The following LLGL2 variants were observed in gnomAD, a reference collection of about 807,000 sequenced individuals.
LLGL2 encodes the protein LLGL scribble cell polarity complex component 2.
Under a neutral mutation model 123.2 loss-of-function variants are expected in LLGL2, and 81 were observed. The observed-to-expected ratio is 0.66, with a 90% confidence interval of 0.55 to 0.79. The LOEUF is 0.79. Among genes scored for constraint, LLGL2 ranks in the 30% least tolerant of loss-of-function variants. LLGL2 has a pLI of 0.00. For missense variants in LLGL2, 1,273 were observed against 1,414.6 expected (o/e 0.90, Z 1.61); for synonymous variants, 577 against 594.1 (o/e 0.97, Z 0.42).
intron 3 of LLGL2, 171 bp from the exon 4 acceptor site, chr17:75,557,984 G>T (rs773369162): frequency 6.7e-6 from 5 of 744,776 alleles, no homozygotes; most frequent in Non-Finnish European, 1.2e-5. Flanking sequence ...CAGGGCCAGG[G>T]CTGCTGTGTC....
In LLGL2 at chr17:75,564,201, GTCC is replaced by G. The variant is rs1236277014; in HGVS notation, c.882-147_882-145del. 3 of 1,414,804 alleles carry G rather than the reference GTCC, an allele frequency of 2.1e-6. No homozygotes were observed. Among genetic ancestry groups the G allele is most frequent in the Non-Finnish European group, 2.8e-6 (3 of 1,076,112 alleles). 87.6% of individuals were successfully genotyped at this position (1,414,804 alleles called of 1,614,324 possible). A position where few individuals can be genotyped will look rare whatever the true frequency, so the allele number is the denominator to read the frequency against. ...CTGGATGCCCTCACCTTACCTCCAA[GTCC>G]TCCTGGGCTGTAGCAGTTGGAAGGA... On this transcript the variant is annotated intron_variant, in intron 9 of 25. Coordinates refer to ENST00000392550, the MANE Select transcript of LLGL2 (RefSeq NM_001031803.2). This position sits in a 1 kb window ranked among gnomAD's most constrained non-coding sequence, Gnocchi z 4.9.
chr17:75,554,165 G>A (rs1253714455), intron 2 of LLGL2, among the ~76,000 whole-genome samples: 1 of 152,118 alleles, frequency 6.6e-6, no homozygotes, highest in African/African-American at 2.4e-5. Flanking sequence ...AGCTGGGCAT[G>A]GTGGTGGGTG....
At chr17:75,528,023 A>G (rs1451728878) in intron 1 of LLGL2, among the ~76,000 whole-genome samples, 1 of 152,112 alleles carries the variant, frequency 6.6e-6, no homozygotes, top group African/African-American at 2.4e-5. Context: ...TCCTGGGCTC[A>G]AGTGATCCTC....
chr17:75,557,838 A>C, intron 3 of LLGL2: 1 of 412,768 alleles, frequency 2.4e-6, no homozygotes, highest in Non-Finnish European at 4.6e-6. Flanking sequence ...AGCGACAGCC[A>C]ACATGTCTTT....
intron 1 of LLGL2, among the ~76,000 whole-genome samples, chr17:75,529,016 C>T (rs1021308445): frequency 2.0e-5 from 3 of 151,222 alleles, no homozygotes; most frequent in African/African-American, 4.9e-5. Flanking sequence ...ATTAGCCAGG[C>T]GTGGTGGTGA....
chr17:75,562,389 T>G, intron 6 of LLGL2: 1 of 153,612 alleles, frequency 6.5e-6, no homozygotes, highest in Admixed American at 6.4e-5. Flanking sequence ...CCTCCGGAGG[T>G]CTTATGCACC....
chr17:75,568,289 C>CA lies in LLGL2; in HGVS notation c.1037-186dup, dbSNP rs2055533183. On this transcript the variant is annotated intron_variant, in intron 10 of 25. Transcript: ENST00000392550. ...TGCCAGGGAGCTCTCAGCAGCCTTG[C>CA]ATGCAGAGCCAGGGCTACTGCCCAC... 6.8e-5 allele frequency: 97 copies of CA among 1,432,556 alleles called. No individual in the cohort carries two copies. The South Asian group carries it at 1.4e-3, about 20-fold the overall frequency. The allele number at this position is 1,432,556 out of a possible 1,614,324, so 88.7% of individuals were successfully genotyped here.
In LLGL2 at chr17:75,559,237, C is replaced by A. The variant is rs776291134; in HGVS notation, c.372-15C>A. ...TGGGCAGTGGTCGGCTCACGGGCAGCTGTTCTTGTCACAGGGCTGCCCCCA... is the reference window on the plus strand; with the variant it reads ...TGGGCAGTGGTCGGCTCACGGGCAGATGTTCTTGTCACAGGGCTGCCCCCA... On this transcript the variant is annotated splice_polypyrimidine_tract_variant and intron_variant, in intron 5 of 25. Coordinates refer to ENST00000392550, the MANE Select transcript of LLGL2 (RefSeq NM_001031803.2). The surrounding 1 kb of genome is among the most constrained non-coding windows in gnomAD (Gnocchi z 4.6). The A allele has an allele frequency of 6.3e-6, 10 of 1,581,836 alleles. No individual in the cohort carries two copies. The South Asian group carries it at 1.0e-4, about 16-fold the overall frequency.
Position 75,559,365 on chromosome 17 carries a change from G to A in LLGL2, c.485G>A (p.Arg162His), listed in dbSNP as rs61744731. ...TTTGTGGTGCAGCTGCCAGCTTTTCGTGCGCTGGAGGACCGGACCATCAGC... is the reference window on the plus strand; with the variant it reads ...TTTGTGGTGCAGCTGCCAGCTTTTCATGCGCTGGAGGACCGGACCATCAGC... ...NVFVVQLPAF[R>H]ALEDRTISSD... Residue 162 changes from arginine (R) to histidine (H), a missense_variant, in exon 6 of 26, where the codon CGT (arginine) becomes CAT (histidine). Coordinates refer to ENST00000392550, the MANE Select transcript of LLGL2 (RefSeq NM_001031803.2). This position sits in a 1 kb window ranked among gnomAD's most constrained non-coding sequence, Gnocchi z 4.6. 1.2e-3 allele frequency: 1,862 copies of A among 1,613,234 alleles called. 19 individuals carry two copies. The African/African-American group carries it at 0.021, about 18-fold the overall frequency.
chr17:75,553,258 C>T (rs886925649), intron 2 of LLGL2, among the ~76,000 whole-genome samples: 1 of 152,248 alleles, frequency 6.6e-6, no homozygotes, highest in Non-Finnish European at 1.5e-5. Context: ...CTGGCTATCC[C>T]ATTTAGGTAT....
intron 1 of LLGL2, among the ~76,000 whole-genome samples, chr17:75,535,977 G>T (rs1160360631): frequency 2.6e-5 from 4 of 152,194 alleles, no homozygotes; most frequent in African/African-American, 9.7e-5. Context: ...CACATGCAAG[G>T]CACAGACTTG....
chr17:75,559,041 G>T lies in LLGL2; in HGVS notation c.372-211G>T. 4 of 587,776 alleles carry T rather than the reference G, an allele frequency of 6.8e-6. No homozygotes were observed. The South Asian group carries it at 8.3e-5, about 12-fold the overall frequency. 36.4% of individuals were successfully genotyped at this position (587,776 alleles called of 1,614,324 possible). A position where few individuals can be genotyped will look rare whatever the true frequency, so the allele number is the denominator to read the frequency against. ...TCCGCACCCCGTGTTATGCTGGAGG[G>T]TCCCTGGCGTCTTTCCTGCCTCCTA... On this transcript the variant is annotated intron_variant, in intron 5 of 25. Coordinates refer to ENST00000392550, the MANE Select transcript of LLGL2 (RefSeq NM_001031803.2). This position sits in a 1 kb window ranked among gnomAD's most constrained non-coding sequence, Gnocchi z 4.6.
rs2055043273 is a variant in LLGL2 at position 75,558,824 on chromosome 17, ACGCC to A, written c.371+198_371+201del. ...GCAGCCTGCCTCCTCCATCCACACC[ACGCC>A]TCCTCCATCCGCACCCCACCTCCTC... On this transcript the variant is annotated intron_variant, in intron 5 of 25. Coordinates refer to ENST00000392550, the MANE Select transcript of LLGL2 (RefSeq NM_001031803.2). This position sits in a 1 kb window ranked among gnomAD's most constrained non-coding sequence, Gnocchi z 4.0. Among the ~76,000 whole-genome samples, 2 of 111,470 alleles carry A rather than the reference ACGCC, an allele frequency of 1.8e-5. No homozygotes were observed. The highest frequency in any genetic ancestry group is 3.7e-5 in the Non-Finnish European group (2 of 54,042). 73.1% of individuals were successfully genotyped at this position (111,470 alleles called of 152,430 possible). A position where few individuals can be genotyped will look rare whatever the true frequency, so the allele number is the denominator to read the frequency against.
chr17:75,570,349 T>G lies in LLGL2; in HGVS notation c.1876T>G (p.Cys626Gly). 6.2e-7 allele frequency: 1 copy of G among 1,611,744 alleles called. No individual in the cohort carries two copies. Among genetic ancestry groups the G allele is most frequent in the South Asian group, 1.1e-5 (1 of 90,748 alleles). ...HQQRRQVFVKCTLHPSDQLAL... is the reference protein window; with the variant it reads ...HQQRRQVFVKGTLHPSDQLAL... ...CTGACAGCCTGCCATCCCCCCAAGG[T>G]GCACACTGCACCCCAGTGACCAGCT... The change falls in exon 16 of 26, where the codon TGC becomes GGC. Residue 626 changes from cysteine to glycine, a missense_variant and splice_region_variant. Transcript: ENST00000392550.
At chr17:75,546,963 A>G (rs1391485343) in intron 2 of LLGL2, among the ~76,000 whole-genome samples, 1 of 152,182 alleles carries the variant, frequency 6.6e-6, no homozygotes, top group African/African-American at 2.4e-5. Context: ...TCATGCTGGC[A>G]ACTCAGGTCA....
In LLGL2 at chr17:75,559,087, G is replaced by C; in HGVS notation, c.372-165G>C. 1 of 746,724 alleles carries C rather than the reference G, an allele frequency of 1.3e-6. No individual in the cohort carries two copies. 46.3% of individuals were successfully genotyped at this position (746,724 alleles called of 1,614,324 possible). A position where few individuals can be genotyped will look rare whatever the true frequency, so the allele number is the denominator to read the frequency against. On this transcript the variant is annotated intron_variant, in intron 5 of 25. Transcript: ENST00000392550. This position sits in a 1 kb window ranked among gnomAD's most constrained non-coding sequence, Gnocchi z 4.6. The stretch of plus-strand genomic sequence containing the variant: ...TCCTAGCCCAGGCTCTCTGCCATCT[G>C]TCTCCTGTCTTGGCAGAAAGTGACC...
intron 2 of LLGL2, among the ~76,000 whole-genome samples, chr17:75,547,004 G>A (rs1041451778): frequency 5.9e-5 from 9 of 152,202 alleles, no homozygotes; most frequent in Non-Finnish European, 1.3e-4. Flanking sequence ...AGGCCAGTCT[G>A]CTGGGTACTG....
rs2054330946 is a variant in LLGL2 at position 75,544,334 on chromosome 17, C to T, written c.75+833C>T. Among the ~76,000 whole-genome samples the T allele has an allele frequency of 6.6e-6, 1 of 152,214 alleles. No individual in the cohort carries two copies. Among genetic ancestry groups the T allele is most frequent in the Non-Finnish European group, 1.5e-5 (1 of 68,032 alleles). ...CAGGACCCTCCCAATATGCTGAGGG[C>T]AGGACATGTGGCTTTCGTTGGGGGC... On this transcript the variant is annotated intron_variant, in intron 2 of 25. Coordinates refer to ENST00000392550, the MANE Select transcript of LLGL2 (RefSeq NM_001031803.2). This position sits in a 1 kb window ranked among gnomAD's most constrained non-coding sequence, Gnocchi z 4.2.
Position 75,544,340 on chromosome 17 carries a change from A to T in LLGL2, c.75+839A>T, listed in dbSNP as rs2147212816. On this transcript the variant is annotated intron_variant, in intron 2 of 25. Transcript: ENST00000392550. This position sits in a 1 kb window ranked among gnomAD's most constrained non-coding sequence, Gnocchi z 4.2. Reference sequence around the variant, plus strand: ...CCTCCCAATATGCTGAGGGCAGGACATGTGGCTTTCGTTGGGGGCTTCCGT... The same window carrying T: ...CCTCCCAATATGCTGAGGGCAGGACTTGTGGCTTTCGTTGGGGGCTTCCGT... Among the ~76,000 whole-genome samples, 1 of 152,278 alleles carries T rather than the reference A, an allele frequency of 6.6e-6. No homozygotes were observed. Among genetic ancestry groups the T allele is most frequent in the South Asian group, 2.1e-4 (1 of 4,826 alleles).
Sources: gnomAD v4.1 joint callset for allele counts (sites outside exome capture counted in the v4.1 genomes callset) on GRCh38, gnomAD v4.1.1 for gene constraint, Gnocchi (gnomAD v3.1) non-coding constraint, MANE v1.5 for transcripts, NCBI Gene and HGNC (gene_info 2026-07-23, HGNC 2026-07-21) for gene names.